Variants in PPP1R9A observed in about 807,000 individuals in gnomAD.
The protein encoded by PPP1R9A is protein phosphatase 1 regulatory subunit 9A, also known as neurabin-1.
Under a neutral mutation model 141.9 loss-of-function variants are expected in PPP1R9A, and 59 were observed. The ratio of observed to expected loss-of-function variants is 0.42; its 90% CI spans 0.34 to 0.52. The LOEUF (loss-of-function observed/expected upper bound fraction) is 0.52. Ranked by LOEUF, PPP1R9A falls within the 20% of genes least tolerant of loss-of-function variation. The pLI, the probability that PPP1R9A is intolerant of heterozygous loss-of-function variation, is 0.10. For synonymous variants in PPP1R9A, 500 were observed against 569.7 expected, an observed-to-expected ratio of 0.88 and a Z score of 1.74; for missense variants, 1,444 against 1,611.9, an observed-to-expected ratio of 0.90 and a Z score of 1.78.
rs1221536574 is a variant in PPP1R9A at position 95,261,483 on chromosome 7, C to CA, written c.2666-7061dup. Among the ~76,000 whole-genome samples, 280 of 151,250 alleles carry CA rather than the reference C, an allele frequency of 1.9e-3. 1 individual carries two copies. The highest frequency in any genetic ancestry group is 6.5e-3 in the African/African-American group (270 of 41,324). On this transcript the variant is annotated intron_variant, in intron 12 of 19. Transcript: ENST00000433360. The stretch of plus-strand genomic sequence containing the variant: ...AAGAAACATTAGAACATAGGTATAC[C>CA]AAAAAACACTGTTGCTTGTGAGTTT...
intron 2 of PPP1R9A, among the ~76,000 whole-genome samples, chr7:95,087,954 T>C (rs1816854100): frequency 6.6e-6 from 1 of 151,740 alleles, no homozygotes; most frequent in Non-Finnish European, 1.5e-5. Context: ...CTGTTCACTT[T>C]AAGTAGCTTG....
chr7:94,912,314 A>G (rs1791545962), intron 2 of PPP1R9A, among the ~76,000 whole-genome samples: 1 of 152,160 alleles, frequency 6.6e-6, no homozygotes, highest in African/African-American at 2.4e-5. Flanking sequence ...GTAGAATGTT[A>G]TTAGTGGATA....
chr7:95,017,874 A>G (rs1388190753), intron 2 of PPP1R9A, among the ~76,000 whole-genome samples: 1 of 152,192 alleles, frequency 6.6e-6, no homozygotes, highest in Non-Finnish European at 1.5e-5. Flanking sequence ...CTTTTGAGCA[A>G]GATGCATTGG....
At chr7:94,970,532 C>T (rs1030398393) in intron 2 of PPP1R9A, among the ~76,000 whole-genome samples, 7 of 151,772 alleles carry the variant, frequency 4.6e-5, no homozygotes, top group Admixed American at 2.6e-4. Flanking sequence ...AGATGAGCTG[C>T]GTACCTCGGT....
chr7:95,113,345 A>G (rs1040794117), intron 3 of PPP1R9A, among the ~76,000 whole-genome samples: 1 of 152,196 alleles, frequency 6.6e-6, no homozygotes, highest in Non-Finnish European at 1.5e-5. Flanking sequence ...ACTAATAATA[A>G]TCATAGAAGA....
At chr7:95,070,592 G>GATATATATATATATATATATATAT (rs1563193267) in intron 2 of PPP1R9A, among the ~76,000 whole-genome samples, 2 of 64,418 alleles carry the variant, frequency 3.1e-5, no homozygotes, top group Admixed American at 1.5e-4. Context: ...TTAAATCTCT[G>GATATATATATATATATATATATAT]GTATATATAT....
intron 4 of PPP1R9A, among the ~76,000 whole-genome samples, chr7:95,128,916 C>G (rs1272882367): frequency 6.6e-6 from 1 of 152,110 alleles, no homozygotes; most frequent in African/African-American, 2.4e-5. Context: ...GTCATAAATT[C>G]TCTCCCAAGG....
chr7:95,257,978 T>C (rs1185949284), intron 12 of PPP1R9A, among the ~76,000 whole-genome samples: 4 of 152,160 alleles, frequency 2.6e-5, no homozygotes, highest in East Asian at 1.9e-4. Flanking sequence ...AATAAACATA[T>C]GTGTGCATGT....
chr7:95,211,950 A>G (rs1156574565), intron 7 of PPP1R9A, among the ~76,000 whole-genome samples: 1 of 152,300 alleles, frequency 6.6e-6, no homozygotes, highest in Non-Finnish European at 1.5e-5. Flanking sequence ...TGATTGTGCC[A>G]TTACATTCCA....
intron 4 of PPP1R9A, among the ~76,000 whole-genome samples, chr7:95,138,277 T>C (rs1443882761): frequency 6.6e-6 from 1 of 152,180 alleles, no homozygotes; most frequent in Non-Finnish European, 1.5e-5. Flanking sequence ...TTGGAAAAAG[T>C]ATAGCCTTTT....
At chr7:95,168,332 T>C (rs1294219856) in intron 5 of PPP1R9A, among the ~76,000 whole-genome samples, 2 of 151,922 alleles carry the variant, frequency 1.3e-5, no homozygotes, top group Admixed American at 6.6e-5. Context: ...GGAAAATTGC[T>C]TATCTATTTG....
intron 1 of PPP1R9A, 148 bp downstream of exon 1, chr7:94,907,850 G>A (rs1218734393): frequency 6.7e-6 from 1 of 149,868 alleles, no homozygotes; most frequent in Non-Finnish European, 1.5e-5. Context: ...GCCCGAGCGT[G>A]CGGGCGCGTC....
chr7:94,996,749 AGT>A (rs1802222446), intron 2 of PPP1R9A, among the ~76,000 whole-genome samples: 1 of 149,816 alleles, frequency 6.7e-6, no homozygotes, highest in Non-Finnish European at 1.5e-5. Context: ...TTTGTATTGC[AGT>A]GTGTTAAAAT....
chr7:95,240,453 C>A (rs1452387423), intron 8 of PPP1R9A, among the ~76,000 whole-genome samples: 6 of 151,042 alleles, frequency 4.0e-5, no homozygotes, highest in Admixed American at 4.0e-4. Flanking sequence ...GTATCTATTA[C>A]GTTTTTTTAT....
intron 2 of PPP1R9A, among the ~76,000 whole-genome samples, chr7:95,024,504 G>A (rs999481382): frequency 2.0e-5 from 3 of 152,070 alleles, no homozygotes; most frequent in Non-Finnish European, 4.4e-5. Flanking sequence ...TCTTCTTGTT[G>A]CGTTGATCCC....
chr7:94,920,321 G>A (rs1792625724), intron 2 of PPP1R9A, among the ~76,000 whole-genome samples: 2 of 151,646 alleles, frequency 1.3e-5, no homozygotes, highest in South Asian at 4.2e-4. Context: ...CTTTTGCTCT[G>A]GAAATAGCTT....
chr7:95,185,786 C>A (rs1350460853), intron 5 of PPP1R9A, among the ~76,000 whole-genome samples: 1 of 152,122 alleles, frequency 6.6e-6, no homozygotes, highest in Admixed American at 6.5e-5. Flanking sequence ...AATAGGGTAT[C>A]CTTTCCCCAC....
At chr7:95,102,483 T>C (rs1365961401) in intron 2 of PPP1R9A, among the ~76,000 whole-genome samples, 2 of 152,176 alleles carry the variant, frequency 1.3e-5, no homozygotes, top group African/African-American at 4.8e-5. Flanking sequence ...TCCTACCTTC[T>C]TGCACATAAA....
At position 95,058,449 on chromosome 7, in the gene PPP1R9A, G is replaced by A. The variant is rs144777962; in HGVS notation, c.1396-52810G>A. On this transcript the variant is annotated intron_variant, in intron 2 of 19. Transcript: ENST00000433360. ...TTGAACCAAGTAAATGAGACTAAAG[G>A]GGAGAATGTAAACTGAGAAGAGAAG... Among the ~76,000 whole-genome samples the A allele has an allele frequency of 2.0e-5, 3 of 152,254 alleles. No homozygotes were observed. The East Asian group carries it at 5.8e-4, about 29-fold the overall frequency.
Sources: gnomAD v4.1 joint callset for allele counts (sites outside exome capture counted in the v4.1 genomes callset) on GRCh38, gnomAD v4.1.1 for gene constraint, MANE v1.5 for transcripts, NCBI Gene and HGNC (gene_info 2026-07-23, HGNC 2026-07-21) for gene names.